GRM8: variants seen among roughly 807,000 people sequenced by gnomAD.
The protein encoded by GRM8 is glutamate metabotropic receptor 8, also known as metabotropic glutamate receptor 8.
A neutral mutation model predicts 87.2 loss-of-function variants in GRM8; 47 were observed. That is an observed-to-expected ratio of 0.54 (90% confidence interval 0.43 to 0.69). The LOEUF is 0.69. Among genes scored for constraint, GRM8 ranks in the 30% least tolerant of loss-of-function variants. The probability of loss-of-function intolerance (pLI) is 0.00; values close to 1 mark genes in which losing one functional copy is unlikely to be tolerated. For synonymous variants in GRM8, 396 were observed against 404.5 expected (o/e 0.98, Z 0.25); for missense variants, 1,019 against 1,139.2 (o/e 0.89, Z 1.52).
At chr7:126,963,674 A>G (rs1033007304) in intron 3 of GRM8, among the ~76,000 whole-genome samples, 1 of 152,260 alleles carries the variant, frequency 6.6e-6, no homozygotes, top group Admixed American at 6.5e-5. Flanking sequence ...GAGGACACAA[A>G]TAAATGGAAA....
At chr7:126,662,936 C>G (rs1304795589) in intron 7 of GRM8, among the ~76,000 whole-genome samples, 1 of 152,132 alleles carries the variant, frequency 6.6e-6, no homozygotes, top group Non-Finnish European at 1.5e-5. Flanking sequence ...AGGCACGAAG[C>G]TGGACAGACA....
intron 6 of GRM8, among the ~76,000 whole-genome samples, chr7:126,853,824 T>TTTTCCTC (rs991261843): frequency 6.6e-6 from 1 of 152,168 alleles, no homozygotes; most frequent in Non-Finnish European, 1.5e-5. Flanking sequence ...CGTTATTTGC[T>TTTTCCTC]TTTCCTCTTT....
Position 126,798,241 on chromosome 7 carries a change from A to G in GRM8, c.1157-28176T>C, listed in dbSNP as rs113753740. On this transcript the variant is annotated intron_variant, in intron 6 of 10. Coordinates refer to ENST00000339582, the MANE Select transcript of GRM8 (RefSeq NM_000845.3). The stretch of plus-strand genomic sequence containing the variant: ...ATGCCCCAAAGCAGATTCAAAGTGT[A>G]TAACTCAGGATTAAGAAAAAAGGCT... Among the ~76,000 whole-genome samples the G allele has an allele frequency of 8.6e-3, 1,306 of 152,214 alleles. 10 individuals carry two copies. Among genetic ancestry groups the G allele is most frequent in the African/African-American group, 0.029 (1,218 of 41,540 alleles).
rs554452384 is a variant in GRM8 at position 126,696,385 on chromosome 7, C to A, written c.1357+73480G>T. Among the ~76,000 whole-genome samples the A allele has an allele frequency of 2.6e-5, 4 of 152,182 alleles. No individual in the cohort carries two copies. In the South Asian group the frequency reaches 8.3e-4, roughly 32 times the overall value. On this transcript the variant is annotated intron_variant, in intron 7 of 10. Coordinates refer to ENST00000339582, the MANE Select transcript of GRM8 (RefSeq NM_000845.3). ...GATATTGATGCTCTCTCTTTCCCTG[C>A]CCCCTACTCCTGACAGGCCCCAGTG...
chr7:126,445,007 CAAACAAAA>C (rs908356831), intron 10 of GRM8, among the ~76,000 whole-genome samples: 2 of 149,896 alleles, frequency 1.3e-5, no homozygotes, highest in Non-Finnish European at 3.0e-5. Context: ...AACAAACAAA[CAAACAAAA>C]TTAGCTGGGC....
At chr7:126,622,435 C>T (rs543845010) in intron 7 of GRM8, among the ~76,000 whole-genome samples, 2 of 152,270 alleles carry the variant, frequency 1.3e-5, no homozygotes, top group Admixed American at 1.3e-4. Flanking sequence ...TTCCGGCTTG[C>T]TTCATACGTT....
intron 7 of GRM8, among the ~76,000 whole-genome samples, chr7:126,643,306 AAAAAAAAAAAAAAATATAT>A (rs1481542150): frequency 5.9e-5 from 2 of 33,740 alleles, no homozygotes; most frequent in African/African-American, 2.3e-4. Flanking sequence ...AAAAAAAAAA[AAAAAAAAAAAAAAATATAT>A]ATATATATAT....
At chr7:126,554,029 T>A (rs546609172) in intron 8 of GRM8, among the ~76,000 whole-genome samples, 3 of 152,176 alleles carry the variant, frequency 2.0e-5, no homozygotes, top group Non-Finnish European at 1.5e-5. Context: ...TGCAAGTACA[T>A]ATTTAATAAT....
chr7:127,231,094 G>A (rs1397006234), intron 2 of GRM8, among the ~76,000 whole-genome samples: 1 of 152,122 alleles, frequency 6.6e-6, no homozygotes, highest in Non-Finnish European at 1.5e-5. Flanking sequence ...CCACTACAAT[G>A]TCGAACATGC....
At chr7:126,487,749 C>G (rs1807544655) in intron 9 of GRM8, among the ~76,000 whole-genome samples, 1 of 152,008 alleles carries the variant, frequency 6.6e-6, no homozygotes, top group South Asian at 2.1e-4. Flanking sequence ...CGTCACCAAT[C>G]TCACCAAAAA....
intron 8 of GRM8, among the ~76,000 whole-genome samples, chr7:126,564,040 G>T (rs28453224): frequency 0.052 from 7,931 of 152,260 alleles, 589 homozygotes; most frequent in African/African-American, 0.16. Flanking sequence ...TCTAGTAGAT[G>T]GCTACCAGAA....
At position 126,479,773 on chromosome 7, in the gene GRM8, T is replaced by C. The variant is rs138320567; in HGVS notation, c.2431-33401A>G. Among the ~76,000 whole-genome samples the C allele has an allele frequency of 2.0e-3, 295 of 149,928 alleles. 2 individuals are homozygous for C. The highest frequency in any genetic ancestry group is 6.3e-3 in the African/African-American group (253 of 39,864). Reference sequence around the variant, plus strand: ...ACAGACAGACAGACAGACAGACAGATAGATAGATAGAACCACTGTGTTATA... The same window carrying C: ...ACAGACAGACAGACAGACAGACAGACAGATAGATAGAACCACTGTGTTATA... On this transcript the variant is annotated intron_variant, in intron 9 of 10. Coordinates refer to ENST00000339582, the MANE Select transcript of GRM8 (RefSeq NM_000845.3).
intron 7 of GRM8, among the ~76,000 whole-genome samples, chr7:126,611,689 T>G (rs2151106717): frequency 6.6e-6 from 1 of 152,336 alleles, no homozygotes; most frequent in African/African-American, 2.4e-5. Context: ...ACTCCTTATC[T>G]TCTACAACAG....
intron 9 of GRM8, among the ~76,000 whole-genome samples, chr7:126,482,250 C>A (rs573555692): frequency 1.3e-5 from 2 of 152,060 alleles, no homozygotes; most frequent in East Asian, 3.9e-4. Flanking sequence ...GGCAGTTCCT[C>A]ATAAAATTAA....
At chr7:126,679,198 G>C (rs1424796117) in intron 7 of GRM8, among the ~76,000 whole-genome samples, 1 of 152,168 alleles carries the variant, frequency 6.6e-6, no homozygotes, top group African/African-American at 2.4e-5. Flanking sequence ...AATGGAGAAT[G>C]CTCTGCTAGC....
intron 6 of GRM8, among the ~76,000 whole-genome samples, chr7:126,871,040 A>ATCT (rs1239845406): frequency 6.6e-6 from 1 of 152,204 alleles, no homozygotes; most frequent in East Asian, 1.9e-4. Flanking sequence ...AAAATCCCAC[A>ATCT]TCTTGTAAAT....
At chr7:126,558,587 C>T (rs977887911) in intron 8 of GRM8, among the ~76,000 whole-genome samples, 1 of 152,124 alleles carries the variant, frequency 6.6e-6, no homozygotes, top group Non-Finnish European at 1.5e-5. Flanking sequence ...TACTTGAAAT[C>T]ATCTCTAGGT....
chr7:127,222,365 G>A (rs534306025), intron 2 of GRM8, among the ~76,000 whole-genome samples: 9 of 152,270 alleles, frequency 5.9e-5, no homozygotes, highest in African/African-American at 9.6e-5. Context: ...CTGAGATCAC[G>A]TTACTGCACT....
At chr7:126,519,138 G>A (rs1222476382) in intron 9 of GRM8, among the ~76,000 whole-genome samples, 2 of 152,052 alleles carry the variant, frequency 1.3e-5, no homozygotes, top group African/African-American at 4.8e-5. Context: ...AGAAGTGAGA[G>A]TTGGGAAGAA....
Sources: gnomAD v4.1 joint callset for allele counts (sites outside exome capture counted in the v4.1 genomes callset) on GRCh38, gnomAD v4.1.1 for gene constraint, MANE v1.5 for transcripts, NCBI Gene and HGNC (gene_info 2026-07-23, HGNC 2026-07-21) for gene names.